The following PANK4 variants were observed in gnomAD, a reference collection of about 807,000 sequenced individuals.
The protein encoded by PANK4 is pantothenate kinase 4 (inactive), also known as 4'-phosphopantetheine phosphatase.
A neutral mutation model predicts 87.9 loss-of-function variants in PANK4; 40 were observed. The observed-to-expected ratio is 0.46, with a 90% CI of 0.35 to 0.59. PANK4 has a LOEUF of 0.59. Among genes scored for constraint, PANK4 ranks in the 20% least tolerant of loss-of-function variants. The probability of loss-of-function intolerance (pLI) is 0.00; values close to 1 mark genes in which losing one functional copy is unlikely to be tolerated. For missense variants in PANK4, 926 were observed against 1,072.3 expected, an observed-to-expected ratio of 0.86 and a Z score of 1.90; for synonymous variants, 524 against 467.4, an observed-to-expected ratio of 1.12 and a Z score of -1.56.
In PANK4 at chr1:2,520,696, T is replaced by C; in HGVS notation, c.606+27A>G. Reference sequence around the variant, plus strand: ...AACAAACTATGGCTAAACCATCCACTCATTCATTCATGAAGCCGGGTCTTA... The same window carrying C: ...AACAAACTATGGCTAAACCATCCACCCATTCATTCATGAAGCCGGGTCTTA... On this transcript the variant is annotated intron_variant, in intron 4 of 18. Transcript: ENST00000378466. This position sits in a 1 kb window ranked among gnomAD's most constrained non-coding sequence, Gnocchi z 6.2. 1.3e-6 allele frequency: 2 copies of C among 1,596,612 alleles called. No homozygotes were observed. The highest frequency in any genetic ancestry group is 1.7e-6 in the Non-Finnish European group (2 of 1,166,840).
At chr1:2,524,149 C>T (rs989177413) in intron 1 of PANK4, among the ~76,000 whole-genome samples, 5 of 152,206 alleles carry the variant, frequency 3.3e-5, no homozygotes, top group African/African-American at 9.7e-5. Flanking sequence ...AAAATCAGAT[C>T]GAAGCTGCAG....
At chr1:2,513,695 T>TGCAG (rs1043380618) in intron 12 of PANK4, among the ~76,000 whole-genome samples, 5 of 152,240 alleles carry the variant, frequency 3.3e-5, no homozygotes, top group African/African-American at 9.6e-5. Context: ...CCTTGGCTCC[T>TGCAG]GCAGGCAGGC....
chr1:2,525,006 A>G (rs1643908007), intron 1 of PANK4, among the ~76,000 whole-genome samples: 1 of 152,094 alleles, frequency 6.6e-6, no homozygotes, highest in Non-Finnish European at 1.5e-5. Flanking sequence ...ACGTTCTCAT[A>G]CCTGGCACCA....
At position 2,520,271 on chromosome 1, in the gene PANK4, A is replaced by G. The variant is rs1396523133; in HGVS notation, c.699+51T>C. 3.9e-6 allele frequency: 6 copies of G among 1,535,250 alleles called. No individual in the cohort carries two copies. The highest frequency in any genetic ancestry group is 5.4e-6 in the Non-Finnish European group (6 of 1,109,686). On this transcript the variant is annotated intron_variant, in intron 5 of 18. Transcript: ENST00000378466. This position sits in a 1 kb window ranked among gnomAD's most constrained non-coding sequence, Gnocchi z 6.2. ...CCAGCTGCAGGCCTTCGGGGGAAGG[A>G]AGCAGACATCTCCGCAGACCCCTGG...
At position 2,509,267 on chromosome 1, in the gene PANK4, T is replaced by C. The variant is rs1273258929; in HGVS notation, c.2109-207A>G. 6.6e-6 allele frequency among the ~76,000 whole-genome samples: 1 copy of C among 152,200 alleles called. No homozygotes were observed. Among genetic ancestry groups the C allele is most frequent in the Non-Finnish European group, 1.5e-5 (1 of 68,034 alleles). On this transcript the variant is annotated intron_variant, in intron 18 of 18. Coordinates refer to ENST00000378466, the MANE Select transcript of PANK4 (RefSeq NM_018216.4). This position sits in a 1 kb window ranked among gnomAD's most constrained non-coding sequence, Gnocchi z 4.9. ...CACACAGGGCCAGAGCAGCTGCAGCTTGGAAACTCTGCCCTAGATCTCCTG... is the reference window on the plus strand; with the variant it reads ...CACACAGGGCCAGAGCAGCTGCAGCCTGGAAACTCTGCCCTAGATCTCCTG...
In PANK4 at chr1:2,508,889, C is replaced by A. The variant is rs1476295009; in HGVS notation, c.2280G>T (p.Arg760=). The stretch of plus-strand genomic sequence containing the variant: ...CGTACTTGAAGATGACGCTGAAGAG[C>A]CGGCCGCCCAGCCGCTCGGCCAGCC... ...NAWLAERLGG[R]LFSVIFKYEV... The change falls in exon 19 of 19, where the codon CGG becomes CGT. Residue 760 remains arginine, a synonymous_variant. Coordinates refer to ENST00000378466, the MANE Select transcript of PANK4 (RefSeq NM_018216.4). This position sits in a 1 kb window ranked among gnomAD's most constrained non-coding sequence, Gnocchi z 5.1. 4 of 1,607,662 alleles carry A rather than the reference C, an allele frequency of 2.5e-6. No individual in the cohort carries two copies. The highest frequency in any genetic ancestry group is 3.4e-6 in the Non-Finnish European group (4 of 1,177,414).
At chr1:2,522,838 C>T (rs1643888153) in intron 1 of PANK4, among the ~76,000 whole-genome samples, 1 of 150,686 alleles carries the variant, frequency 6.6e-6, no homozygotes. Context: ...AGTGACTTAA[C>T]GGAGGGGACC....
chr1:2,526,394 CGCTCG>C, intron 1 of PANK4, 65 bp downstream of exon 1: 4 of 915,544 alleles, frequency 4.4e-6, no homozygotes, highest in South Asian at 4.9e-5. Flanking sequence ...CCGCCGCCCC[CGCTCG>C]CCGGCCCACC....
chr1:2,523,248 T>C (rs997393806), intron 1 of PANK4, among the ~76,000 whole-genome samples: 2 of 151,996 alleles, frequency 1.3e-5, no homozygotes, highest in African/African-American at 4.8e-5. Context: ...TGCCTGGTGG[T>C]GAGGGCAGGC....
rs543117431 is a variant in PANK4 at position 2,510,997 on chromosome 1, C to G, written c.1834-215G>C. Among the ~76,000 whole-genome samples the G allele has an allele frequency of 6.6e-6, 1 of 151,548 alleles. No homozygotes were observed. Among genetic ancestry groups the G allele is most frequent in the African/African-American group, 2.4e-5 (1 of 41,262 alleles). ...TGGGCTGGGCTGCAGGGGCTGAGAC[C>G]GGGACTTCAGGACCCCAGAGGCACC... is the stretch of plus-strand genomic sequence containing the variant. On this transcript the variant is annotated intron_variant, in intron 15 of 18. Coordinates refer to ENST00000378466, the MANE Select transcript of PANK4 (RefSeq NM_018216.4). The surrounding 1 kb of genome is among the most constrained non-coding windows in gnomAD (Gnocchi z 4.9).
At chr1:2,522,265 G>A (rs1162366879) in intron 1 of PANK4, among the ~76,000 whole-genome samples, 8 of 152,196 alleles carry the variant, frequency 5.3e-5, no homozygotes, top group East Asian at 3.8e-4. Context: ...AGCCCAGGGC[G>A]GTAACGGGGC....
intron 10 of PANK4, among the ~76,000 whole-genome samples, chr1:2,514,965 C>T (rs1017427561): frequency 3.3e-5 from 5 of 152,218 alleles, no homozygotes; most frequent in South Asian, 2.1e-4. Flanking sequence ...GAGCTCACTC[C>T]GGGTCCTGGG....
chr1:2,520,119 C>G lies in PANK4; in HGVS notation c.700-165G>C, dbSNP rs1643862722. ...GCGGCAAGCGGGACCCTCGGGCCAC[C>G]CAGCCAGGATAGAAGCTCTGGGTTG... On this transcript the variant is annotated intron_variant, in intron 5 of 18. Transcript: ENST00000378466. The surrounding 1 kb of genome is among the most constrained non-coding windows in gnomAD (Gnocchi z 6.2). Among the ~76,000 whole-genome samples the G allele has an allele frequency of 6.6e-6, 1 of 152,184 alleles. No individual in the cohort carries two copies. Among genetic ancestry groups the G allele is most frequent in the African/African-American group, 2.4e-5 (1 of 41,430 alleles).
chr1:2,520,753 G>T lies in PANK4; in HGVS notation c.576C>A (p.Val192=), dbSNP rs369593285. 6.2e-7 allele frequency: 1 copy of T among 1,613,362 alleles called. No homozygotes were observed. The highest frequency in any genetic ancestry group is 8.5e-7 in the Non-Finnish European group (1 of 1,179,858). ...NHPHIFPYLL[V]NIGSGVSIVK... is the part of the protein sequence containing the mutation. The stretch of plus-strand genomic sequence containing the variant: ...CGATGGAGACTCCAGAGCCGATATT[G>T]ACAAGAAGATAGGGGAAAATGTGGG... The change falls in exon 4 of 19, where the codon GTC becomes GTA. Residue 192 remains valine, a synonymous_variant. Transcript: ENST00000378466. The surrounding 1 kb of genome is among the most constrained non-coding windows in gnomAD (Gnocchi z 6.2).
intron 1 of PANK4, among the ~76,000 whole-genome samples, chr1:2,524,132 G>C (rs781330365): frequency 6.6e-6 from 1 of 152,222 alleles, no homozygotes; most frequent in Non-Finnish European, 1.5e-5. Flanking sequence ...ACAGCCCGCA[G>C]AAACCTAAAA....
Position 2,514,419 on chromosome 1 carries a change from G to A in PANK4, c.1422C>T (p.Ala474=), listed in dbSNP as rs778229450. 6.2e-6 allele frequency: 10 copies of A among 1,612,022 alleles called. No individual in the cohort carries two copies. Among genetic ancestry groups the A allele is most frequent in the East Asian group, 4.5e-5 (2 of 44,878 alleles). ...TCTGCCGGAACTTCTCCGCCCTCTC[G>A]GCTGCATCCACAGAGTCTGGCTGGC... The part of the protein sequence containing the change: ...VASQPDSVDA[A]ERAEKFRQKY... The change falls in exon 11 of 19, where the codon GCC becomes GCT. Residue 474 remains alanine (A), a synonymous_variant. Transcript: ENST00000378466.
intron 13 of PANK4, 101 bp from the exon 14 acceptor site, chr1:2,511,784 G>C: frequency 1.4e-6 from 1 of 734,650 alleles, no homozygotes; most frequent in Admixed American, 2.0e-5. Flanking sequence ...GCGGGACAGA[G>C]GCAGCTGCTC....
chr1:2,517,496 G>A (rs937075145), intron 9 of PANK4, among the ~76,000 whole-genome samples: 3 of 152,252 alleles, frequency 2.0e-5, no homozygotes, highest in Non-Finnish European at 2.9e-5. Flanking sequence ...CCCGCGGGGG[G>A]GCACGGTCGA....
rs954201040 is a variant in PANK4 at position 2,520,070 on chromosome 1, A to G, written c.700-116T>C. ...GCGGGCAGGGGGTAAATGGGCCCTC[A>G]TCGCGTGGGACCAAAGGCAGGAGGC... On this transcript the variant is annotated intron_variant, in intron 5 of 18. Coordinates refer to ENST00000378466, the MANE Select transcript of PANK4 (RefSeq NM_018216.4). The surrounding 1 kb of genome is among the most constrained non-coding windows in gnomAD (Gnocchi z 6.2). The G allele has an allele frequency of 8.9e-6, 9 of 1,013,548 alleles. No homozygotes were observed. The highest frequency in any genetic ancestry group is 1.6e-5 in the African/African-American group (1 of 61,752). The allele number at this position is 1,013,548 out of a possible 1,614,324, so 62.8% of individuals were successfully genotyped here.
Sources: allele counts gnomAD v4.1 joint callset (sites outside exome capture counted in the v4.1 genomes callset), GRCh38; gene constraint gnomAD v4.1.1; non-coding constraint Gnocchi (gnomAD v3.1); transcripts MANE v1.5; gene names NCBI Gene and HGNC (gene_info 2026-07-23, HGNC 2026-07-21).